GFOD2: variants seen among roughly 807,000 people sequenced by gnomAD.
GFOD2 encodes the protein glucose-fructose oxidoreductase domain-containing protein 2.
A neutral mutation model predicts 24.6 loss-of-function variants in GFOD2; 9 were observed. The observed-to-expected ratio is 0.37, with a 90% CI of 0.22 to 0.64. The LOEUF (loss-of-function observed/expected upper bound fraction) is 0.64, where lower values mean the gene tolerates loss of function less well. Ranked by LOEUF, GFOD2 falls within the 30% of genes least tolerant of loss-of-function variation. The pLI, the probability that GFOD2 is intolerant of heterozygous loss-of-function variation, is 0.65. For missense variants in GFOD2, 476 were observed against 532.5 expected (o/e 0.89, Z 1.04); for synonymous variants, 211 against 224.8 (o/e 0.94, Z 0.55).
chr16:67,705,548 TTG>T (rs1003925596), intron 1 of GFOD2, among the ~76,000 whole-genome samples: 2 of 152,152 alleles, frequency 1.3e-5, no homozygotes, highest in African/African-American at 4.8e-5. Context: ...TGTTCTGGGA[TTG>T]TGTCTCCCCG....
rs140749910 is a variant in GFOD2 at position 67,685,136 on chromosome 16, C to T, written c.259+321G>A. ...AACACACTAGTCACAACCAATTCCCCGCCACCCAGGGCTCTGACCTCTAAC... is the reference window on the plus strand; with the variant it reads ...AACACACTAGTCACAACCAATTCCCTGCCACCCAGGGCTCTGACCTCTAAC... On this transcript the variant is annotated intron_variant, in intron 2 of 2. Coordinates refer to ENST00000268797, the MANE Select transcript of GFOD2 (RefSeq NM_030819.4). 3.8e-5 allele frequency: 51 copies of T among 1,345,084 alleles called. No homozygotes were observed. The East Asian group carries it at 8.4e-4, about 22-fold the overall frequency. The allele number at this position is 1,345,084 out of a possible 1,614,324, so 83.3% of individuals were successfully genotyped here. A position where few individuals can be genotyped will look rare whatever the true frequency, so the allele number is the denominator to read the frequency against.
chr16:67,694,120 G>A (rs913046747), intron 1 of GFOD2, among the ~76,000 whole-genome samples: 5 of 151,842 alleles, frequency 3.3e-5, no homozygotes, highest in Non-Finnish European at 7.4e-5. Flanking sequence ...TCAGCCTCCT[G>A]ACTGGCTGGG....
At position 67,683,105 on chromosome 16, in the gene GFOD2, C is replaced by T. The variant is rs192699755; in HGVS notation, c.259+2352G>A. On this transcript the variant is annotated intron_variant, in intron 2 of 2. Coordinates refer to ENST00000268797, the MANE Select transcript of GFOD2 (RefSeq NM_030819.4). ...CCTCCCAAGTAGCTGGGACCACAGT[C>T]GCGTGCCACCATGCCTGGCTAATTT... The T allele has an allele frequency of 4.4e-4, 268 of 616,086 alleles. 1 individual carries two copies. The African/African-American group carries it at 5.0e-3, about 12-fold the overall frequency. The allele number at this position is 616,086 out of a possible 1,614,324, so 38.2% of individuals were successfully genotyped here. A position where few individuals can be genotyped will look rare whatever the true frequency, so the allele number is the denominator to read the frequency against.
At chr16:67,705,112 T>C (rs1025027431) in intron 1 of GFOD2, among the ~76,000 whole-genome samples, 25 of 152,242 alleles carry the variant, frequency 1.6e-4, no homozygotes, top group Admixed American at 5.2e-4. Flanking sequence ...AAGAGAAATA[T>C]AGGAGTTGAA....
At chr16:67,679,580 C>T (rs2053208962) in intron 2 of GFOD2, among the ~76,000 whole-genome samples, 1 of 152,056 alleles carries the variant, frequency 6.6e-6, no homozygotes, top group Admixed American at 6.5e-5. Context: ...TTAGTTTCTT[C>T]TTCCTTTTTT....
At chr16:67,680,228 C>G (rs1341195864) in intron 2 of GFOD2, among the ~76,000 whole-genome samples, 1 of 152,148 alleles carries the variant, frequency 6.6e-6, no homozygotes, top group Non-Finnish European at 1.5e-5. Flanking sequence ...TTTAGAAAAT[C>G]TAATTTTCAG....
intron 2 of GFOD2, chr16:67,683,088 G>T: frequency 1.9e-6 from 1 of 516,494 alleles, no homozygotes; most frequent in Non-Finnish European, 2.5e-6. Context: ...AGCCTCCCAA[G>T]TAGCTGGGAC....
chr16:67,687,724 A>G (rs898678139), intron 1 of GFOD2, among the ~76,000 whole-genome samples: 4 of 151,718 alleles, frequency 2.6e-5, no homozygotes, highest in African/African-American at 9.7e-5. Context: ...AATCTCAGCA[A>G]TTTGGGGGGC....
chr16:67,715,192 A>G (rs918495312), intron 1 of GFOD2, among the ~76,000 whole-genome samples: 2 of 151,800 alleles, frequency 1.3e-5, no homozygotes, highest in Non-Finnish European at 2.9e-5. Flanking sequence ...CCTAGTAGCT[A>G]GGATTACAGG....
At chr16:67,714,888 A>G (rs184680397) in intron 1 of GFOD2, among the ~76,000 whole-genome samples, 1 of 152,304 alleles carries the variant, frequency 6.6e-6, no homozygotes, top group Non-Finnish European at 1.5e-5. Context: ...AAGAGTATAT[A>G]CATTTTATCA....
intron 1 of GFOD2, among the ~76,000 whole-genome samples, chr16:67,711,490 C>A (rs573429393): frequency 3.9e-5 from 6 of 152,316 alleles, no homozygotes; most frequent in African/African-American, 1.2e-4. Flanking sequence ...TCTATACTCA[C>A]TCCCTTGGTG....
chr16:67,700,163 C>T (rs2053391251), intron 1 of GFOD2, among the ~76,000 whole-genome samples: 1 of 151,988 alleles, frequency 6.6e-6, no homozygotes, highest in Non-Finnish European at 1.5e-5. Context: ...TGCCTGAGCT[C>T]AGGAGTTTGC....
chr16:67,702,459 G>A (rs889766419), intron 1 of GFOD2, among the ~76,000 whole-genome samples: 4 of 151,372 alleles, frequency 2.6e-5, no homozygotes, highest in African/African-American at 9.7e-5. Flanking sequence ...GGGCAACAGA[G>A]TGACTCTGTC....
chr16:67,686,506 A>G (rs757096387), intron 1 of GFOD2, among the ~76,000 whole-genome samples: 4 of 150,956 alleles, frequency 2.6e-5, no homozygotes, highest in Non-Finnish European at 2.9e-5. Context: ...TCTTGCTATA[A>G]AAGTTCATGA....
At position 67,704,776 on chromosome 16, in the gene GFOD2, C is replaced by T. The variant is rs907665906; in HGVS notation, c.-88+14387G>A. 4.6e-5 allele frequency among the ~76,000 whole-genome samples: 7 copies of T among 152,202 alleles called. No individual in the cohort carries two copies. The East Asian group carries it at 1.3e-3, about 29-fold the overall frequency. Reference sequence around the variant, plus strand: ...TTAGATGATGATGTCCTTTATAAATCCACACACCTTGCAGTGTTCTCCAGT... The same window carrying T: ...TTAGATGATGATGTCCTTTATAAATTCACACACCTTGCAGTGTTCTCCAGT... On this transcript the variant is annotated intron_variant, in intron 1 of 2. Coordinates refer to ENST00000268797, the MANE Select transcript of GFOD2 (RefSeq NM_030819.4).
intron 1 of GFOD2, among the ~76,000 whole-genome samples, chr16:67,715,670 T>G (rs2053501188): frequency 6.6e-6 from 1 of 152,318 alleles, no homozygotes; most frequent in Middle Eastern, 3.4e-3. Flanking sequence ...CTAATATAAA[T>G]CTACTACTTT....
intron 2 of GFOD2, among the ~76,000 whole-genome samples, chr16:67,678,445 C>T (rs2053199546): frequency 7.0e-6 from 1 of 143,450 alleles, no homozygotes; most frequent in Non-Finnish European, 1.5e-5. Context: ...CATTGCACGC[C>T]AGCTTTGGCG....
chr16:67,675,669 C>T lies in GFOD2; in HGVS notation c.644G>A (p.Arg215Gln), dbSNP rs1436622137. 7 of 1,613,412 alleles carry T rather than the reference C, an allele frequency of 4.3e-6. No homozygotes were observed. Among genetic ancestry groups the T allele is most frequent in the African/African-American group, 1.3e-5 (1 of 74,940 alleles). ...ACAGAAGTCATCGCTAGTGACGTGC[C>T]GGATGCCACGGATGGCAGCGTTCTG... ...VRQNAAIRGI[R>Q]HVTSDDFCFF... The change falls in exon 3 of 3, where the codon CGG (arginine) becomes CAG (glutamine). Residue 215 changes from arginine (R) to glutamine (Q), a missense_variant. Physicochemically the swap from Arg to Gln is conservative, Grantham distance 43. Coordinates refer to ENST00000268797, the MANE Select transcript of GFOD2 (RefSeq NM_030819.4).
At chr16:67,689,502 C>T (rs2053294908) in intron 1 of GFOD2, among the ~76,000 whole-genome samples, 1 of 151,670 alleles carries the variant, frequency 6.6e-6, no homozygotes, top group African/African-American at 2.4e-5. Context: ...GAAACCCCAT[C>T]TCTACTAAAA....
Sources: gnomAD v4.1 joint callset for allele counts (sites outside exome capture counted in the v4.1 genomes callset) on GRCh38, gnomAD v4.1.1 for gene constraint, MANE v1.5 for transcripts, NCBI Gene and HGNC (gene_info 2026-07-23, HGNC 2026-07-21) for gene names.